Variants in SLC22A31 observed in about 807,000 individuals in gnomAD.
SLC22A31 encodes the protein putative solute carrier family 22 member 31.
A neutral mutation model predicts 27.4 loss-of-function variants in SLC22A31; 42 were observed. The observed-to-expected ratio is 1.53, with a 90% CI of 1.20 to 1.98. SLC22A31 has a LOEUF of 1.98. Among genes scored for constraint, SLC22A31 ranks in the 30% most tolerant of loss-of-function variants. The pLI is 0.00. For missense variants in SLC22A31, 593 were observed against 479.9 expected, an observed-to-expected ratio of 1.24 and a Z score of -2.20; for synonymous variants, 290 against 230.8, an observed-to-expected ratio of 1.26 and a Z score of -2.33.
chr16:89,198,172 C>T lies in SLC22A31; in HGVS notation c.872G>A (p.Gly291Asp). The T allele has an allele frequency of 1.3e-6, 2 of 1,535,266 alleles. No homozygotes were observed. The highest frequency in any genetic ancestry group is 1.7e-6 in the Non-Finnish European group (2 of 1,146,824). ...GGATGCCAGGCCTGTGACCATGGTG[C>T]CCAGCAGCAGCACGGGGCGGCGTCC... ...CCGRRPVLLL[G>D]TMVTGLASLL... Residue 291 changes from glycine to aspartate, a missense_variant, in exon 7 of 9, where the codon GGC becomes GAC. Transcript: ENST00000682282.
Position 89,196,045 on chromosome 16 carries a change from G to C in SLC22A31, c.1295C>G (p.Pro432Arg), listed in dbSNP as rs151127561. Residue 432 changes from proline to arginine, a missense_variant, in exon 9 of 9, where the codon CCG becomes CGG. By Grantham distance (103) the Pro-to-Arg change is moderately radical. Coordinates refer to ENST00000682282, the MANE Select transcript of SLC22A31 (RefSeq NM_001384763.1). ...GCCGGCCCAGTAGGAGTTGGAGGGCGGCAGCAGAGGCAGGTGGTCCTGGCG... is the reference window on the plus strand; with the variant it reads ...GCCGGCCCAGTAGGAGTTGGAGGGCCGCAGCAGAGGCAGGTGGTCCTGGCG... ...RPRQDHLPLL[P>R]PSNSYWAGHT... is the part of the protein sequence containing the mutation. 6.5e-7 allele frequency: 1 copy of C among 1,529,238 alleles called. No homozygotes were observed. 94.7% of individuals were successfully genotyped at this position (1,529,238 alleles called of 1,614,324 possible).
At chr16:89,199,316 T>C (rs951487201) in intron 3 of SLC22A31, 97 bp downstream of exon 3, 1 of 986,558 alleles carries the variant, frequency 1.0e-6, no homozygotes, top group East Asian at 2.6e-5. Flanking sequence ...CACTGCTCAC[T>C]GTCCCTGCAG....
Position 89,198,151 on chromosome 16 carries a change from G to C in SLC22A31, c.893C>G (p.Ala298Gly). Residue 298 changes from alanine to glycine, a missense_variant, in exon 7 of 9, where the codon GCA (alanine) becomes GGA (glycine). Ala to Gly is a moderately conservative substitution (Grantham distance 60). Transcript: ENST00000682282. ...GGCCCCAGCGAGGAGCAGCAGGGAT[G>C]CCAGGCCTGTGACCATGGTGCCCAG... ...LLLGTMVTGL[A>G]SLLLLAGAQY... 1 of 1,534,718 alleles carries C rather than the reference G, an allele frequency of 6.5e-7. No homozygotes were observed. Among genetic ancestry groups the C allele is most frequent in the Non-Finnish European group, 8.7e-7 (1 of 1,146,788 alleles).
chr16:89,198,396 C>A, intron 6 of SLC22A31, 46 bp downstream of exon 6: 2 of 1,529,620 alleles, frequency 1.3e-6, no homozygotes, highest in Non-Finnish European at 1.8e-6. Flanking sequence ...GGACCATATG[C>A]CCACCCCGGG....
In SLC22A31 at chr16:89,195,887, C is replaced by A; in HGVS notation, c.*112G>T. ...CCCCACGGCTCCACCTGCACTGAGA[C>A]ACGGGCTTCTGAGAGGAATGTGTCT... is the stretch of plus-strand genomic sequence containing the variant. On this transcript the variant is annotated 3_prime_UTR_variant, in exon 9 of 9. Transcript: ENST00000682282. 4 of 1,262,672 alleles carry A rather than the reference C, an allele frequency of 3.2e-6. No individual in the cohort carries two copies. The highest frequency in any genetic ancestry group is 4.2e-6 in the Non-Finnish European group (4 of 947,494). The allele number at this position is 1,262,672 out of a possible 1,614,324, so 78.2% of individuals were successfully genotyped here. A position where few individuals can be genotyped will look rare whatever the true frequency, so the allele number is the denominator to read the frequency against.
In SLC22A31 at chr16:89,198,114, A is replaced by G; in HGVS notation, c.922+8T>C. 1 of 1,504,702 alleles carries G rather than the reference A, an allele frequency of 6.6e-7. No homozygotes were observed. Among genetic ancestry groups the G allele is most frequent in the Non-Finnish European group, 8.7e-7 (1 of 1,143,692 alleles). The allele number at this position is 1,504,702 out of a possible 1,614,324, so 93.2% of individuals were successfully genotyped here. A position where few individuals can be genotyped will look rare whatever the true frequency, so the allele number is the denominator to read the frequency against. ...GCTCCTGTATGGCCTGCGGGGCCCC[A>G]AGCTCACACTGGGCCCCAGCGAGGA... On this transcript the variant is annotated splice_region_variant and intron_variant, in intron 7 of 8. Coordinates refer to ENST00000682282, the MANE Select transcript of SLC22A31 (RefSeq NM_001384763.1).
intron 4 of SLC22A31, 74 bp downstream of exon 4, chr16:89,198,949 G>A: frequency 6.6e-7 from 1 of 1,506,394 alleles, no homozygotes; most frequent in Non-Finnish European, 8.9e-7. Flanking sequence ...CCTGGCATGG[G>A]ATACGTCGGT....
Position 89,198,771 on chromosome 16 carries a change from G to C in SLC22A31, c.479C>G (p.Pro160Arg). ...WGFPALFPES[P>R]CWLLATGQVA... Reference sequence around the variant, plus strand: ...CTGACCTGTGGCCAGCAGCCAGCAGGGAGACTCGGGGAACAGGGCCGGGAA... The same window carrying C: ...CTGACCTGTGGCCAGCAGCCAGCAGCGAGACTCGGGGAACAGGGCCGGGAA... Residue 160 changes from proline to arginine, a missense_variant, in exon 5 of 9, where the codon CCC becomes CGC. Coordinates refer to ENST00000682282, the MANE Select transcript of SLC22A31 (RefSeq NM_001384763.1). 1 of 1,533,828 alleles carries C rather than the reference G, an allele frequency of 6.5e-7. No homozygotes were observed. Among genetic ancestry groups the C allele is most frequent in the South Asian group, 1.2e-5 (1 of 83,994 alleles).
In SLC22A31 at chr16:89,199,209, G is replaced by A. The variant is rs1180080221; in HGVS notation, c.284-18C>T. On this transcript the variant is annotated intron_variant, in intron 3 of 8. Coordinates refer to ENST00000682282, the MANE Select transcript of SLC22A31 (RefSeq NM_001384763.1). The stretch of plus-strand genomic sequence containing the variant: ...CTCCAGGCCTGGGCAGACACAGACA[G>A]GTTGAAGTGGAGGCCTCGGGGAGGA... 6.6e-7 allele frequency: 1 copy of A among 1,512,582 alleles called. No individual in the cohort carries two copies. Among genetic ancestry groups the A allele is most frequent in the Non-Finnish European group, 8.8e-7 (1 of 1,135,002 alleles). 93.7% of individuals were successfully genotyped at this position (1,512,582 alleles called of 1,614,324 possible). A position where few individuals can be genotyped will look rare whatever the true frequency, so the allele number is the denominator to read the frequency against.
intron 4 of SLC22A31, 47 bp from the exon 5 acceptor site, chr16:89,198,844 G>A: frequency 1.3e-6 from 2 of 1,509,766 alleles, no homozygotes; most frequent in Non-Finnish European, 8.9e-7. Context: ...CCTCCTCCTG[G>A]AAGGAGAGGC....
At position 89,198,169 on chromosome 16, in the gene SLC22A31, G is replaced by A; in HGVS notation, c.875C>T (p.Thr292Ile). Reference protein sequence around the residue: ...CGRRPVLLLGTMVTGLASLLL... With the variant: ...CGRRPVLLLGIMVTGLASLLL... ...CAGGGATGCCAGGCCTGTGACCATG[G>A]TGCCCAGCAGCAGCACGGGGCGGCG... Residue 292 changes from threonine to isoleucine, a missense_variant, in exon 7 of 9, where the codon ACC (threonine) becomes ATC (isoleucine). By Grantham distance (89) the Thr-to-Ile change is moderately conservative. Transcript: ENST00000682282. The A allele has an allele frequency of 6.5e-7, 1 of 1,535,226 alleles. No individual in the cohort carries two copies. Among genetic ancestry groups the A allele is most frequent in the Non-Finnish European group, 8.7e-7 (1 of 1,146,824 alleles).
At chr16:89,199,381 C>T (rs1220709620) in intron 3 of SLC22A31, 32 bp downstream of exon 3, 9 of 602,428 alleles carry the variant, frequency 1.5e-5, no homozygotes, top group Admixed American at 6.0e-5. Flanking sequence ...CACTGCCCCT[C>T]CCCCAGTGAC....
At position 89,197,991 on chromosome 16, in the gene SLC22A31, A is replaced by G; in HGVS notation, c.922+131T>C. 3.0e-6 allele frequency: 3 copies of G among 997,034 alleles called. No homozygotes were observed. In the South Asian group the frequency reaches 5.0e-5, roughly 17 times the overall value. 61.8% of individuals were successfully genotyped at this position (997,034 alleles called of 1,614,324 possible). On this transcript the variant is annotated intron_variant, in intron 7 of 8. Transcript: ENST00000682282. ...TTGGGCCTTCCACAAGGATCAGAGG[A>G]AAACAAACAGCAGCTGGCCTTGGGC... is the stretch of plus-strand genomic sequence containing the variant.
Position 89,197,321 on chromosome 16 carries a change from G to A in SLC22A31, c.1011C>T (p.Ala337=), listed in dbSNP as rs577705994. ...AVSALSSLFA[A]EVFPTVIRGA... The stretch of plus-strand genomic sequence containing the variant: ...ACCTGATCACCGTGGGGAAGACCTC[G>A]GCCGCGAAGAGGCTGCTGAGTGCGG... The change falls in exon 8 of 9, where the codon GCC becomes GCT. Residue 337 remains alanine (A), a synonymous_variant. Transcript: ENST00000682282. 3.6e-5 allele frequency: 55 copies of A among 1,535,768 alleles called. No homozygotes were observed. The highest frequency in any genetic ancestry group is 1.7e-4 in the Middle Eastern group (1 of 5,960).
chr16:89,199,431 G>A lies in SLC22A31; in HGVS notation c.265C>T (p.Leu89Phe). Residue 89 changes from leucine to phenylalanine, a missense_variant, in exon 3 of 9, where the codon CTC (leucine) becomes TTC (phenylalanine). Physicochemically the swap from Leu to Phe is conservative, Grantham distance 22. Coordinates refer to ENST00000682282, the MANE Select transcript of SLC22A31 (RefSeq NM_001384763.1). ...TACTCACGAGCCAGATACAGGGCGA[G>A]GAGGGCCCCTGCCAATGTGCCCCCG... ...LHGGTLAGAL[L>F]ALYLARLELC... 1 of 549,232 alleles carries A rather than the reference G, an allele frequency of 1.8e-6. No homozygotes were observed. Among genetic ancestry groups the A allele is most frequent in the South Asian group, 2.7e-5 (1 of 37,602 alleles). 34.0% of individuals were successfully genotyped at this position (549,232 alleles called of 1,614,324 possible). A position where few individuals can be genotyped will look rare whatever the true frequency, so the allele number is the denominator to read the frequency against.
At position 89,196,011 on chromosome 16, in the gene SLC22A31, G is replaced by A. The variant is rs35146933; in HGVS notation, c.1329C>T (p.Pro443=). 8,634 of 1,511,308 alleles carry A rather than the reference G, an allele frequency of 5.7e-3. 32 individuals carry two copies. The highest frequency in any genetic ancestry group is 6.9e-3 in the Non-Finnish European group (7,774 of 1,134,734). 93.6% of individuals were successfully genotyped at this position (1,511,308 alleles called of 1,614,324 possible). A position where few individuals can be genotyped will look rare whatever the true frequency, so the allele number is the denominator to read the frequency against. The change falls in exon 9 of 9, where the codon CCC becomes CCT. Residue 443 remains proline, a synonymous_variant. Transcript: ENST00000682282. ...CCACCAGGCAGGACTAGTGCTGCTCGGGGGTGTGGCCGGCCCAGTAGGAGT... is the reference window on the plus strand; with the variant it reads ...CCACCAGGCAGGACTAGTGCTGCTCAGGGGTGTGGCCGGCCCAGTAGGAGT... ...PSNSYWAGHT[P]EQH
intron 8 of SLC22A31, among the ~76,000 whole-genome samples, chr16:89,196,975 C>G (rs1197166756): frequency 6.6e-6 from 1 of 151,396 alleles, no homozygotes; most frequent in Non-Finnish European, 1.5e-5. Context: ...AGAAGAAGAT[C>G]GAAAAGTGAT....
chr16:89,198,823 G>C, intron 4 of SLC22A31, 26 bp from the exon 5 acceptor site: 3 of 1,518,614 alleles, frequency 2.0e-6, no homozygotes, highest in South Asian at 2.4e-5. Context: ...GGATGCCCAC[G>C]GCTCCCTCCA....
chr16:89,198,748 G>A lies in SLC22A31; in HGVS notation c.502C>T (p.Gln168Ter). The change falls in exon 5 of 9, where the codon CAG (glutamine) becomes TAG (stop). Residue 168 changes from glutamine (Q) to a stop codon, truncating the protein, a stop_gained. Transcript: ENST00000682282. LOFTEE classifies it high-confidence loss of function. ...ESPCWLLATG[Q>*]VARARKILWR... ...AGGATCTTCCTGGCTCGAGCTACCT[G>A]ACCTGTGGCCAGCAGCCAGCAGGGA... 1 of 1,535,462 alleles carries A rather than the reference G, an allele frequency of 6.5e-7. No individual in the cohort carries two copies. Among genetic ancestry groups the A allele is most frequent in the Non-Finnish European group, 8.7e-7 (1 of 1,146,512 alleles).
Sources: gnomAD v4.1 joint callset for allele counts (sites outside exome capture counted in the v4.1 genomes callset) on GRCh38, gnomAD v4.1.1 for gene constraint, MANE v1.5 for transcripts, NCBI Gene and HGNC (gene_info 2026-07-23, HGNC 2026-07-21) for gene names.